The following UBA6 variants were observed in gnomAD, a reference collection of about 807,000 sequenced individuals.
UBA6 encodes ubiquitin-like modifier-activating enzyme 6.
Under a neutral mutation model 148.3 loss-of-function variants are expected in UBA6, and 87 were observed. That is an observed-to-expected ratio of 0.59 (90% CI 0.49 to 0.70). The LOEUF is 0.70. Ranked by LOEUF, UBA6 falls within the 30% of genes least tolerant of loss-of-function variation. The pLI is 0.00. For synonymous variants in UBA6, 376 were observed against 401.0 expected, an observed-to-expected ratio of 0.94 and a Z score of 0.75; for missense variants, 1,186 against 1,241.2, an observed-to-expected ratio of 0.96 and a Z score of 0.67.
chr4:67,668,869 A>G (rs2109938501), intron 8 of UBA6, among the ~76,000 whole-genome samples, 195 bp from the exon 9 acceptor site: 1 of 152,346 alleles, frequency 6.6e-6, no homozygotes, highest in Middle Eastern at 3.4e-3. Context: ...TATTTTTTAA[A>G]TGAATGCTGA....
intron 19 of UBA6, among the ~76,000 whole-genome samples, chr4:67,635,773 G>A (rs1046558367): frequency 3.1e-5 from 3 of 96,588 alleles, no homozygotes; most frequent in Non-Finnish European, 7.3e-5. Context: ...TAAATCTGGG[G>A]CTTTCTTAAC....
chr4:67,700,850 C>G (rs1225279304), intron 1 of UBA6, among the ~76,000 whole-genome samples, 199 bp downstream of exon 1: 2 of 152,148 alleles, frequency 1.3e-5, no homozygotes. Flanking sequence ...GGACTTTTCC[C>G]TCAGGAAAGC....
rs1260212378 is a variant in UBA6 at position 67,616,787 on chromosome 4, C to T, written c.*2210G>A. 2.0e-5 allele frequency: 3 copies of T among 152,196 alleles called. No homozygotes were observed. The highest frequency in any genetic ancestry group is 3.4e-3 in the Middle Eastern group (1 of 294). 9.4% of individuals were successfully genotyped at this position (152,196 alleles called of 1,614,324 possible). A position where few individuals can be genotyped will look rare whatever the true frequency, so the allele number is the denominator to read the frequency against. ...GAATCTCTGGAGTCAACTTATGAAA[C>T]ATGATTTACAAAGATATTCTTACAT... On this transcript the variant is annotated 3_prime_UTR_variant, in exon 33 of 33. Transcript: ENST00000322244.
intron 1 of UBA6, among the ~76,000 whole-genome samples, chr4:67,697,069 G>A (rs185059367): frequency 6.0e-4 from 92 of 152,100 alleles, no homozygotes; most frequent in Middle Eastern, 3.4e-3. Context: ...GCAGAGGCAC[G>A]ATCTTGGCTT....
rs574299838 is a variant in UBA6 at position 67,686,680 on chromosome 4, G to A, written c.135-4467C>T. The stretch of plus-strand genomic sequence containing the variant: ...AAAATGTTTGGGTGTAGTAGGGTGC[G>A]ATGGCTCACACCTGTAATCCCAGCA... On this transcript the variant is annotated intron_variant, in intron 2 of 32. Coordinates refer to ENST00000322244, the MANE Select transcript of UBA6 (RefSeq NM_018227.6). Among the ~76,000 whole-genome samples, 5 of 152,000 alleles carry A rather than the reference G, an allele frequency of 3.3e-5. No homozygotes were observed. The South Asian group carries it at 6.2e-4, about 19-fold the overall frequency.
At position 67,617,436 on chromosome 4, in the gene UBA6, TTTC is replaced by T. The variant is rs1453693528; in HGVS notation, c.*1558_*1560del. The T allele has an allele frequency of 1.3e-5, 2 of 152,128 alleles. No homozygotes were observed. The highest frequency in any genetic ancestry group is 2.9e-5 in the Non-Finnish European group (2 of 67,962). 9.4% of individuals were successfully genotyped at this position (152,128 alleles called of 1,614,324 possible). On this transcript the variant is annotated 3_prime_UTR_variant, in exon 33 of 33. Transcript: ENST00000322244. ...GGTAGGATATGTGAACAAAATTTAA[TTTC>T]TTTTTTCCAAAGGTAGTCATTTTCT...
chr4:67,699,646 A>C (rs1347917818), intron 1 of UBA6, among the ~76,000 whole-genome samples: 1 of 152,080 alleles, frequency 6.6e-6, no homozygotes, highest in African/African-American at 2.4e-5. Context: ...TGTCACCCAG[A>C]CTGGAGTGCA....
At chr4:67,662,303 T>TA (rs762658899) in intron 12 of UBA6, 48 bp from the exon 13 acceptor site, 77 of 1,536,340 alleles carry the variant, frequency 5.0e-5, no homozygotes, top group Non-Finnish European at 6.8e-5. Flanking sequence ...TCAACTGCCA[T>TA]AAACAGTAGG....
chr4:67,639,585 T>A (rs1172034928), intron 18 of UBA6, among the ~76,000 whole-genome samples: 1 of 152,100 alleles, frequency 6.6e-6, no homozygotes, highest in African/African-American at 2.4e-5. Context: ...TATTTCTGGA[T>A]GGAAATATTT....
At chr4:67,628,624 C>T (rs567911011) in intron 27 of UBA6, among the ~76,000 whole-genome samples, 23 of 151,846 alleles carry the variant, frequency 1.5e-4, no homozygotes, top group African/African-American at 5.1e-4. Context: ...AGTCCCTCTC[C>T]GCCCAAAATA....
chr4:67,686,298 C>A (rs1730557658), intron 2 of UBA6, among the ~76,000 whole-genome samples: 1 of 152,128 alleles, frequency 6.6e-6, no homozygotes, highest in African/African-American at 2.4e-5. Context: ...CTAGAGTTTT[C>A]TTTCTCTAAG....
intron 32 of UBA6, among the ~76,000 whole-genome samples, chr4:67,619,393 A>G (rs2109890788): frequency 6.6e-6 from 1 of 152,340 alleles, no homozygotes; most frequent in South Asian, 2.1e-4. Context: ...AGACAAAAAA[A>G]GGCTCAGCGT....
Position 67,687,390 on chromosome 4 carries a change from G to A in UBA6, c.135-5177C>T, listed in dbSNP as rs1730598821. Among the ~76,000 whole-genome samples the A allele has an allele frequency of 2.0e-5, 3 of 152,236 alleles. 1 individual carries two copies. The South Asian group carries it at 6.2e-4, about 32-fold the overall frequency. On this transcript the variant is annotated intron_variant, in intron 2 of 32. Coordinates refer to ENST00000322244, the MANE Select transcript of UBA6 (RefSeq NM_018227.6). ...TTCCTATTTACACATGAGAAACTGT[G>A]TAAAAGAAAGATTAAGCAACTAGCT... is the stretch of plus-strand genomic sequence containing the variant.
intron 13 of UBA6, among the ~76,000 whole-genome samples, chr4:67,660,337 G>A (rs1729817294): frequency 6.6e-6 from 1 of 152,192 alleles, no homozygotes; most frequent in African/African-American, 2.4e-5. Flanking sequence ...TCACAGACCT[G>A]GAGGCCTAAT....
intron 32 of UBA6, among the ~76,000 whole-genome samples, chr4:67,621,909 G>A (rs375189086): frequency 7.2e-5 from 11 of 152,100 alleles, no homozygotes; most frequent in African/African-American, 2.4e-4. Context: ...AGAGTAAAGG[G>A]GACTAGACAT....
At chr4:67,647,532 G>C (rs1729447597) in intron 14 of UBA6, among the ~76,000 whole-genome samples, 2 of 152,110 alleles carry the variant, frequency 1.3e-5, no homozygotes, top group Admixed American at 1.3e-4. Context: ...TACATACTAT[G>C]TGTATGTGTA....
At chr4:67,688,422 G>C (rs952959859) in intron 2 of UBA6, among the ~76,000 whole-genome samples, 4 of 151,916 alleles carry the variant, frequency 2.6e-5, no homozygotes, top group African/African-American at 9.7e-5. Flanking sequence ...TAACAATAAA[G>C]ACCAAAAATA....
In UBA6 at chr4:67,665,272, T is replaced by C. The variant is rs772885794; in HGVS notation, c.814A>G (p.Ser272Gly). 1.2e-4 allele frequency: 197 copies of C among 1,599,854 alleles called. 1 individual carries two copies. Among genetic ancestry groups the C allele is most frequent in the Admixed American group, 1.9e-4 (11 of 56,930 alleles). Residue 272 changes from serine to glycine, a missense_variant, in exon 10 of 33, where the codon AGT becomes GGT. Coordinates refer to ENST00000322244, the MANE Select transcript of UBA6 (RefSeq NM_018227.6). ...QITVISPFSFSIGDTTELEPY... is the reference protein window; with the variant it reads ...QITVISPFSFGIGDTTELEPY... ...TCCAGTTCTGTGGTGTCACCAATAC[T>C]AAAAGAAAATGGCGATATCACTAGA... is the stretch of plus-strand genomic sequence containing the variant.
At chr4:67,624,934 G>T in intron 29 of UBA6, 60 bp downstream of exon 29, 1 of 1,402,982 alleles carries the variant, frequency 7.1e-7, no homozygotes, top group African/African-American at 1.4e-5. Flanking sequence ...GGTATGACGG[G>T]GAAGTCAGGG....
Sources: allele counts gnomAD v4.1 joint callset (sites outside exome capture counted in the v4.1 genomes callset), GRCh38; gene constraint gnomAD v4.1.1; transcripts MANE v1.5; gene names NCBI Gene and HGNC (gene_info 2026-07-23, HGNC 2026-07-21).